ATG4C: variants seen among roughly 807,000 people sequenced by gnomAD.
ATG4C encodes cysteine protease ATG4C.
ATG4C carries 56 observed loss-of-function variants against 57.6 expected under a neutral mutation model. That is an observed-to-expected ratio of 0.97 (90% CI 0.78 to 1.21). ATG4C has a LOEUF of 1.21. ATG4C is among the 50% of genes most tolerant of loss of function. The pLI, the probability that ATG4C is intolerant of heterozygous loss-of-function variation, is 0.00. For missense variants in ATG4C, 595 were observed against 529.8 expected (o/e 1.12, Z -1.21); for synonymous variants, 157 against 174.1 (o/e 0.90, Z 0.78).
intron 1 of ATG4C, among the ~76,000 whole-genome samples, chr1:62,793,223 T>C (rs1341971808): frequency 6.6e-6 from 1 of 152,046 alleles, no homozygotes; most frequent in Non-Finnish European, 1.5e-5. Flanking sequence ...CACATTTTCT[T>C]TCACTACTCC....
intron 6 of ATG4C, among the ~76,000 whole-genome samples, chr1:62,827,315 T>A (rs1003799017): frequency 6.6e-6 from 1 of 151,888 alleles, no homozygotes; most frequent in African/African-American, 2.4e-5. Context: ...TACTTCTGCC[T>A]TAAGATACTC....
In ATG4C at chr1:62,787,337, G is replaced by C. The variant is rs533775219; in HGVS notation, c.-69+3064G>C. Among the ~76,000 whole-genome samples, 6 of 152,208 alleles carry C rather than the reference G, an allele frequency of 3.9e-5. No homozygotes were observed. In the East Asian group the frequency reaches 9.6e-4, roughly 24 times the overall value. ...GTTGGTCTCTGTTTTGAATCTATCT[G>C]TAATATATTAAACCATGTATATGAA... On this transcript the variant is annotated intron_variant, in intron 1 of 10. Coordinates refer to ENST00000317868, the MANE Select transcript of ATG4C (RefSeq NM_032852.4).
chr1:62,816,090 C>G (rs550165963), intron 3 of ATG4C, among the ~76,000 whole-genome samples: 2 of 152,240 alleles, frequency 1.3e-5, no homozygotes, highest in South Asian at 2.1e-4. Flanking sequence ...ATGTCTTCTT[C>G]CAGCTTTTGT....
intron 9 of ATG4C, 104 bp from the exon 10 acceptor site, chr1:62,841,324 T>G: frequency 9.8e-7 from 1 of 1,015,572 alleles, no homozygotes; most frequent in Non-Finnish European, 1.4e-6. Flanking sequence ...GAAAATCATG[T>G]TTATAGTGAT....
At chr1:62,843,883 G>A (rs1666247165) in intron 10 of ATG4C, among the ~76,000 whole-genome samples, 1 of 152,274 alleles carries the variant, frequency 6.6e-6, no homozygotes, top group African/African-American at 2.4e-5. Flanking sequence ...CATCCATATG[G>A]AAATAGAAAT....
rs1572110167 is a variant in ATG4C, at chr1:62,807,465, G to A, written c.160+2210G>A. 2.0e-5 allele frequency among the ~76,000 whole-genome samples: 3 copies of A among 152,208 alleles called. No individual in the cohort carries two copies. In the East Asian group the frequency reaches 5.8e-4, roughly 29 times the overall value. On this transcript the variant is annotated intron_variant, in intron 3 of 10. Coordinates refer to ENST00000317868, the MANE Select transcript of ATG4C (RefSeq NM_032852.4). ...CTTGTCACCAGAAAGACCAAGCCAA[G>A]ATTAGAATGGAACTTTCAGCCCCAT...
At chr1:62,858,386 T>G (rs1666749132) in intron 10 of ATG4C, among the ~76,000 whole-genome samples, 1 of 152,344 alleles carries the variant, frequency 6.6e-6, no homozygotes, top group African/African-American at 2.4e-5. Flanking sequence ...TTACTAGTTG[T>G]GTGACCTTAT....
chr1:62,839,406 A>C (rs979340299), intron 9 of ATG4C, among the ~76,000 whole-genome samples: 2 of 152,256 alleles, frequency 1.3e-5, no homozygotes, highest in Admixed American at 6.5e-5. Flanking sequence ...TACCCTTTGT[A>C]GATGAGTTCA....
intron 7 of ATG4C, among the ~76,000 whole-genome samples, chr1:62,833,111 G>A (rs536027408): frequency 8.0e-4 from 122 of 152,106 alleles, no homozygotes; most frequent in Admixed American, 1.8e-3. Context: ...TTGGTTACTT[G>A]TTAAAGGAAA....
intron 10 of ATG4C, among the ~76,000 whole-genome samples, chr1:62,850,000 A>G (rs1331056807): frequency 6.6e-6 from 1 of 152,178 alleles, no homozygotes; most frequent in African/African-American, 2.4e-5. Flanking sequence ...TTTCTATTTC[A>G]TTAGAATTTT....
At chr1:62,790,301 A>C (rs1402278726) in intron 1 of ATG4C, among the ~76,000 whole-genome samples, 1 of 152,126 alleles carries the variant, frequency 6.6e-6, no homozygotes, top group Non-Finnish European at 1.5e-5. Flanking sequence ...CTTCCTTCCA[A>C]TTCCTGTTTA....
rs1176534426 is a variant in ATG4C, at chr1:62,816,786, C to T, written c.372C>T (p.Leu124=). The change falls in exon 4 of 11, where the codon CTC becomes CTT. Residue 124 remains leucine, a synonymous_variant. Coordinates refer to ENST00000317868, the MANE Select transcript of ATG4C (RefSeq NM_032852.4). ...GCCAGATGCTCTTGGCTCAAGGACT[C>T]ATACTACACTTTCTTGGTAGAGGTA... is the stretch of plus-strand genomic sequence containing the variant. ...RTGQMLLAQG[L]ILHFLGRAWT... 1 of 1,578,944 alleles carries T rather than the reference C, an allele frequency of 6.3e-7. No individual in the cohort carries two copies. The highest frequency in any genetic ancestry group is 1.4e-5 in the African/African-American group (1 of 73,564).
chr1:62,809,395 G>A (rs1388853161), intron 3 of ATG4C, among the ~76,000 whole-genome samples: 3 of 146,786 alleles, frequency 2.0e-5, no homozygotes, highest in Non-Finnish European at 4.5e-5. Flanking sequence ...ATGTATATAT[G>A]TTTATATACA....
intron 3 of ATG4C, among the ~76,000 whole-genome samples, 172 bp from the exon 4 acceptor site, chr1:62,816,403 G>A (rs1016820378): frequency 6.6e-6 from 1 of 151,858 alleles, no homozygotes; most frequent in African/African-American, 2.4e-5. Context: ...ATTTTCATAG[G>A]CAGTCAGGAA....
intron 1 of ATG4C, among the ~76,000 whole-genome samples, chr1:62,790,752 A>G (rs1420510807): frequency 2.0e-5 from 3 of 152,206 alleles, no homozygotes; most frequent in Non-Finnish European, 4.4e-5. Flanking sequence ...CTAAACTTGT[A>G]GCTCTATTTT....
chr1:62,862,987 C>T (rs535136594), intron 10 of ATG4C, among the ~76,000 whole-genome samples: 38 of 152,050 alleles, frequency 2.5e-4, no homozygotes, highest in Admixed American at 1.4e-3. Flanking sequence ...AGTAACTTTT[C>T]GGAATTCCTG....
chr1:62,802,814 C>T (rs1664727302), intron 1 of ATG4C, among the ~76,000 whole-genome samples: 1 of 152,090 alleles, frequency 6.6e-6, no homozygotes, highest in Non-Finnish European at 1.5e-5. Context: ...TTAAGTTCTT[C>T]CAATAGACCA....
chr1:62,790,923 G>A (rs1482701552), intron 1 of ATG4C, among the ~76,000 whole-genome samples: 1 of 152,186 alleles, frequency 6.6e-6, no homozygotes, highest in Non-Finnish European at 1.5e-5. Flanking sequence ...AGACATAATT[G>A]TTGGGGGTAC....
intron 1 of ATG4C, among the ~76,000 whole-genome samples, chr1:62,791,491 A>T (rs1664273247): frequency 6.6e-6 from 1 of 152,170 alleles, no homozygotes; most frequent in South Asian, 2.1e-4. Context: ...CCTTATAGTT[A>T]ACAAAAGCTG....
Sources: gnomAD v4.1 joint callset for allele counts (sites outside exome capture counted in the v4.1 genomes callset) on GRCh38, gnomAD v4.1.1 for gene constraint, MANE v1.5 for transcripts, NCBI Gene and HGNC (gene_info 2026-07-23, HGNC 2026-07-21) for gene names.